The following ROBO2 variants were observed in gnomAD, a reference collection of about 807,000 sequenced individuals.
The protein encoded by ROBO2 is roundabout guidance receptor 2, also known as roundabout homolog 2.
A neutral mutation model predicts 160.8 loss-of-function variants in ROBO2; 53 were observed. The observed-to-expected ratio is 0.33, with a 90% CI of 0.26 to 0.41. The LOEUF (loss-of-function observed/expected upper bound fraction) is 0.41, where lower values mean the gene tolerates loss of function less well. Among genes scored for constraint, ROBO2 ranks in the 10% least tolerant of loss-of-function variants. The pLI is 1.00. For missense variants in ROBO2, 1,577 were observed against 1,722.4 expected (o/e 0.92, Z 1.49); for synonymous variants, 664 against 611.7 (o/e 1.09, Z -1.26).
intron 2 of ROBO2, among the ~76,000 whole-genome samples, chr3:76,517,025 A>G (rs1449715429): frequency 2.0e-5 from 3 of 152,188 alleles, no homozygotes; most frequent in Non-Finnish European, 4.4e-5. Flanking sequence ...TATGTGTTTA[A>G]CTTTTATCTA....
At chr3:76,033,071 T>C (rs571298854) in intron 2 of ROBO2, among the ~76,000 whole-genome samples, 2 of 149,938 alleles carry the variant, frequency 1.3e-5, no homozygotes, top group African/African-American at 2.5e-5. Context: ...TAAATAGTAC[T>C]TCCAAAACAT....
At chr3:77,130,765 G>A (rs911336073) in intron 2 of ROBO2, among the ~76,000 whole-genome samples, 9 of 152,090 alleles carry the variant, frequency 5.9e-5, no homozygotes, top group South Asian at 2.1e-4. Context: ...GCACCTCTGT[G>A]TGTGTGCATA....
At chr3:77,251,920 T>C (rs2090397895) in intron 2 of ROBO2, among the ~76,000 whole-genome samples, 1 of 152,194 alleles carries the variant, frequency 6.6e-6, no homozygotes, top group Non-Finnish European at 1.5e-5. Context: ...TATGTCTTCA[T>C]CAGTAGCACG....
At chr3:77,339,366 G>T (rs1393548485) in intron 2 of ROBO2, among the ~76,000 whole-genome samples, 1 of 152,066 alleles carries the variant, frequency 6.6e-6, no homozygotes, top group Non-Finnish European at 1.5e-5. Flanking sequence ...ATAAAGAAAA[G>T]TGTGGTGAGC....
intron 2 of ROBO2, among the ~76,000 whole-genome samples, chr3:76,617,009 C>T (rs1021972773): frequency 6.6e-6 from 1 of 152,066 alleles, no homozygotes; most frequent in African/African-American, 2.4e-5. Flanking sequence ...AGTCTCCAAC[C>T]CTATTCCCAA....
At chr3:77,588,604 T>C in intron 16 of ROBO2, 147 bp from the exon 18 acceptor site, 1 of 725,692 alleles carries the variant, frequency 1.4e-6, no homozygotes. Flanking sequence ...AATTATGGGC[T>C]ATGCTTATCA....
chr3:77,179,369 T>C lies in ROBO2; in HGVS notation c.388+81029T>C, dbSNP rs578027036. Among the ~76,000 whole-genome samples, 7 of 152,204 alleles carry C rather than the reference T, an allele frequency of 4.6e-5. No homozygotes were observed. In the East Asian group the frequency reaches 1.4e-3, roughly 29 times the overall value. ...GTACGTATTTCCTTTTCAGCTATTT[T>C]TTATACATTGCCATGCAAATATATT... is the stretch of plus-strand genomic sequence containing the variant. On this transcript the variant is annotated intron_variant, in intron 2 of 25. Transcript: ENST00000461745.
intron 2 of ROBO2, among the ~76,000 whole-genome samples, chr3:75,998,681 TC>T (rs1349755949): frequency 4.6e-5 from 7 of 152,202 alleles, no homozygotes; most frequent in South Asian, 2.1e-4. Flanking sequence ...CGTATCCCTC[TC>T]CATGCACAGA....
chr3:77,543,951 C>A (rs1435886179), intron 6 of ROBO2, among the ~76,000 whole-genome samples: 1 of 152,070 alleles, frequency 6.6e-6, no homozygotes, highest in Non-Finnish European at 1.5e-5. Flanking sequence ...TCGATACATG[C>A]TAAATTATTC....
intron 2 of ROBO2, among the ~76,000 whole-genome samples, chr3:75,977,505 C>G (rs1320142461): frequency 6.6e-6 from 1 of 151,392 alleles, no homozygotes; most frequent in Non-Finnish European, 1.5e-5. Flanking sequence ...TTTGAAAATG[C>G]TTAAAAATGT....
intron 2 of ROBO2, among the ~76,000 whole-genome samples, chr3:76,403,456 G>C (rs1358987292): frequency 6.6e-6 from 1 of 151,544 alleles, no homozygotes; most frequent in East Asian, 1.9e-4. Context: ...ATAAAGACAG[G>C]TTGTTAGAAC....
At chr3:76,947,497 CCAA>C (rs527415034) in intron 2 of ROBO2, among the ~76,000 whole-genome samples, 37 of 152,268 alleles carry the variant, frequency 2.4e-4, no homozygotes, top group Non-Finnish European at 4.6e-4. Context: ...GATTTTTCCT[CCAA>C]CACGTTTTTT....
chr3:76,931,520 T>G (rs2077337538), intron 2 of ROBO2, among the ~76,000 whole-genome samples: 1 of 151,464 alleles, frequency 6.6e-6, no homozygotes, highest in African/African-American at 2.4e-5. Flanking sequence ...TTTAAACTAT[T>G]ATACCACTAT....
chr3:76,021,919 T>A (rs2066587191), intron 2 of ROBO2, among the ~76,000 whole-genome samples: 1 of 151,622 alleles, frequency 6.6e-6, no homozygotes, highest in African/African-American at 2.4e-5. Flanking sequence ...AAAGATTTTT[T>A]TTTTTTTTTG....
At chr3:75,987,050 G>C (rs1359763845) in intron 2 of ROBO2, among the ~76,000 whole-genome samples, 2 of 151,652 alleles carry the variant, frequency 1.3e-5, no homozygotes, top group Non-Finnish European at 3.0e-5. Context: ...TGGCTATTTG[G>C]TGTCCCTTGA....
intron 2 of ROBO2, among the ~76,000 whole-genome samples, chr3:76,117,611 G>A (rs3843873): frequency 0.35 from 53,268 of 152,002 alleles, 11,543 homozygotes; most frequent in South Asian, 0.52. Flanking sequence ...TTTAGAATCT[G>A]TAGTTGAGGT....
At chr3:76,283,419 T>TC (rs1403568070) in intron 2 of ROBO2, among the ~76,000 whole-genome samples, 6 of 151,704 alleles carry the variant, frequency 4.0e-5, no homozygotes, top group African/African-American at 9.7e-5. Context: ...ATTCTTGCTT[T>TC]CTCTAGTCAT....
At chr3:77,640,855 C>T (rs906816731) in intron 24 of ROBO2, among the ~76,000 whole-genome samples, 15 of 152,042 alleles carry the variant, frequency 9.9e-5, no homozygotes, top group Admixed American at 2.6e-4. Flanking sequence ...TATACAAACT[C>T]CAAGGATATT....
At chr3:77,354,760 A>G (rs7428050) in intron 2 of ROBO2, among the ~76,000 whole-genome samples, 53,765 of 152,022 alleles carry the variant, frequency 0.35, 9,921 homozygotes, top group Non-Finnish European at 0.39. Flanking sequence ...GAAAAGGGAA[A>G]AAGCTTGGCA....
Sources: allele counts gnomAD v4.1 joint callset (sites outside exome capture counted in the v4.1 genomes callset), GRCh38; gene constraint gnomAD v4.1.1; transcripts MANE v1.5; gene names NCBI Gene and HGNC (gene_info 2026-07-23, HGNC 2026-07-21).